The following BACE2 variants were observed in gnomAD, a reference collection of about 807,000 sequenced individuals.
BACE2 encodes 56 kDa aspartic-like protease.
In BACE2, 17 loss-of-function variants were observed where a neutral mutation model predicts 46.2. The observed-to-expected ratio is 0.37, with a 90% CI of 0.25 to 0.55. The LOEUF is 0.55. BACE2 is among the 20% of genes least tolerant of loss of function. The pLI is 0.82. For synonymous variants in BACE2, 277 were observed against 295.9 expected (o/e 0.94, Z 0.66); for missense variants, 595 against 698.1 (o/e 0.85, Z 1.66).
intron 3 of BACE2, among the ~76,000 whole-genome samples, chr21:41,238,954 T>TAAAAAAA (rs34474586): frequency 3.5e-5 from 3 of 85,654 alleles, no homozygotes; most frequent in Non-Finnish European, 6.6e-5. Flanking sequence ...AAAGTATAAT[T>TAAAAAAA]AAAAAAAAAA....
At chr21:41,233,482 C>A (rs934371761) in intron 2 of BACE2, among the ~76,000 whole-genome samples, 1 of 152,168 alleles carries the variant, frequency 6.6e-6, no homozygotes, top group Non-Finnish European at 1.5e-5. Context: ...CCAGAGTGCT[C>A]CCTCTGTAAG....
At chr21:41,180,661 GA>G in intron 1 of BACE2, 1 of 167,246 alleles carries the variant, frequency 6.0e-6, no homozygotes. Context: ...TAGAAGAGGT[GA>G]AAAACAGGTG....
At chr21:41,169,738 TTTAA>T (rs770621040) in intron 1 of BACE2, among the ~76,000 whole-genome samples, 7 of 152,190 alleles carry the variant, frequency 4.6e-5, no homozygotes, top group Non-Finnish European at 8.8e-5. Flanking sequence ...TCTGTAGTTG[TTTAA>T]TTAGTTTAGG....
chr21:41,200,202 CA>C (rs112085931), intron 1 of BACE2, among the ~76,000 whole-genome samples: 2,892 of 144,214 alleles, frequency 0.02, 72 homozygotes, highest in African/African-American at 0.067. Flanking sequence ...AAAAAAAAAA[CA>C]AAAAAAAAAC....
intron 1 of BACE2, among the ~76,000 whole-genome samples, chr21:41,198,888 A>ATTTATTTATTG (rs530458143): frequency 2.1e-4 from 28 of 131,724 alleles, no homozygotes; most frequent in African/African-American, 7.2e-4. Flanking sequence ...TTTATTTATT[A>ATTTATTTATTG]TACTTTAAGT....
At chr21:41,183,292 A>G (rs1289211922) in intron 1 of BACE2, 1 of 166,952 alleles carries the variant, frequency 6.0e-6, no homozygotes, top group African/African-American at 2.4e-5. Flanking sequence ...AAATTTTAGA[A>G]GATACAAGAT....
intron 1 of BACE2, among the ~76,000 whole-genome samples, chr21:41,171,213 C>T (rs28694254): frequency 0.013 from 1,977 of 152,348 alleles, 44 homozygotes; most frequent in African/African-American, 0.042. Flanking sequence ...CCGTGCTGTT[C>T]CCCCATCTCC....
intron 1 of BACE2, among the ~76,000 whole-genome samples, chr21:41,198,126 GA>G (rs1046768396): frequency 6.6e-6 from 1 of 152,018 alleles, no homozygotes; most frequent in Non-Finnish European, 1.5e-5. Context: ...CAAGTAGCTG[GA>G]AATACAGGCA....
intron 1 of BACE2, among the ~76,000 whole-genome samples, chr21:41,204,348 G>A (rs35291683): frequency 0.076 from 11,632 of 152,128 alleles, 603 homozygotes; most frequent in Non-Finnish European, 0.11. Context: ...GCCAAGAGTT[G>A]GCATTTTCTT....
At position 41,168,714 on chromosome 21, in the gene BACE2, G is replaced by A. The variant is rs866908047; in HGVS notation, c.312+139G>A. On this transcript the variant is annotated intron_variant, in intron 1 of 8. Transcript: ENST00000330333. ...ACAGAAGAGCGGGGAACGCAGAGGG[G>A]CTCGGGTGGGCCGGGGAGCGGGGGC... 49 of 607,332 alleles carry A rather than the reference G, an allele frequency of 8.1e-5. 1 individual carries two copies. The Middle Eastern group carries it at 2.1e-3, about 26-fold the overall frequency. 37.6% of individuals were successfully genotyped at this position (607,332 alleles called of 1,614,324 possible).
chr21:41,188,536 C>T (rs187703130), intron 1 of BACE2, among the ~76,000 whole-genome samples: 25 of 151,996 alleles, frequency 1.6e-4, no homozygotes, highest in Admixed American at 4.6e-4. Flanking sequence ...GGTGGCAAGA[C>T]GAGATGGTGG....
intron 1 of BACE2, among the ~76,000 whole-genome samples, chr21:41,189,841 C>A (rs539867845): frequency 2.0e-5 from 3 of 152,238 alleles, no homozygotes; most frequent in East Asian, 3.9e-4. Flanking sequence ...TATTAACTTA[C>A]ACAATCACAA....
At chr21:41,239,411 T>G (rs1987226887) in intron 3 of BACE2, among the ~76,000 whole-genome samples, 1 of 152,146 alleles carries the variant, frequency 6.6e-6, no homozygotes, top group African/African-American at 2.4e-5. Context: ...AGAGTCTCAC[T>G]CTATTTCCCA....
chr21:41,229,226 C>T (rs1377136435), intron 2 of BACE2, among the ~76,000 whole-genome samples: 3 of 152,332 alleles, frequency 2.0e-5, no homozygotes, highest in East Asian at 3.9e-4. Context: ...TCCACGTTTC[C>T]CCCTCACTGG....
chr21:41,192,461 A>G (rs1422354913), intron 1 of BACE2, among the ~76,000 whole-genome samples: 1 of 152,220 alleles, frequency 6.6e-6, no homozygotes, highest in African/African-American at 2.4e-5. Context: ...TACCCAGTTC[A>G]TGATAGTTCA....
intron 1 of BACE2, chr21:41,180,111 A>G (rs1033263652): frequency 9.7e-6 from 2 of 205,290 alleles, no homozygotes; most frequent in Admixed American, 1.1e-4. Flanking sequence ...ATTTGTATCC[A>G]CTTTTAATTA....
rs1319699517 is a variant in BACE2 at position 41,253,860 on chromosome 21, TCCA to T, written c.1134+2961_1134+2963del. Among the ~76,000 whole-genome samples, 15 of 152,316 alleles carry T rather than the reference TCCA, an allele frequency of 9.8e-5. No individual in the cohort carries two copies. In the East Asian group the frequency reaches 2.9e-3, roughly 29 times the overall value. ...TGTTCAGATTTTTTATTTTTAAAAA[TCCA>T]CTTTGCCTGCTGTTTTCCTGATTTC... On this transcript the variant is annotated intron_variant, in intron 7 of 8. Transcript: ENST00000330333.
intron 5 of BACE2, among the ~76,000 whole-genome samples, chr21:41,244,470 A>C (rs767997237): frequency 1.3e-5 from 2 of 152,168 alleles, no homozygotes; most frequent in Non-Finnish European, 2.9e-5. Flanking sequence ...TGGGGGTCAC[A>C]AGGTGCTCAG....
chr21:41,228,508 C>T (rs1356068301), intron 2 of BACE2, among the ~76,000 whole-genome samples: 2 of 152,158 alleles, frequency 1.3e-5, no homozygotes, highest in African/African-American at 2.4e-5. Context: ...TGCTTCCAGT[C>T]ATGGTGGAAG....
Sources: gnomAD v4.1 joint callset for allele counts (sites outside exome capture counted in the v4.1 genomes callset) on GRCh38, gnomAD v4.1.1 for gene constraint, MANE v1.5 for transcripts, NCBI Gene and HGNC (gene_info 2026-07-23, HGNC 2026-07-21) for gene names.